The following CFAP69 variants were observed in gnomAD, a reference collection of about 807,000 sequenced individuals.
The protein encoded by CFAP69 is cilia- and flagella-associated protein 69.
Under a neutral mutation model 123.0 loss-of-function variants are expected in CFAP69, and 92 were observed. The ratio of observed to expected loss-of-function variants is 0.75; its 90% CI spans 0.63 to 0.89. CFAP69 has a LOEUF of 0.89. Ranked by LOEUF, CFAP69 falls within the 40% of genes least tolerant of loss-of-function variation. CFAP69 has a pLI of 0.00. For synonymous variants in CFAP69, 380 were observed against 364.3 expected (o/e 1.04, Z -0.49); for missense variants, 1,067 against 1,096.9 (o/e 0.97, Z 0.39).
the CFAP69 span, chr7:90,319,796 A>T: frequency 2.5e-6 from 1 of 398,330 alleles, no homozygotes. Flanking sequence ...AACTTAAAAA[A>T]GTTATTCAAT....
At chr7:90,300,367 A>G (rs1001694499) in intron 17 of CFAP69, 7 of 891,266 alleles carry the variant, frequency 7.9e-6, no homozygotes, top group Non-Finnish European at 9.4e-6. Context: ...GATAGATTCA[A>G]TAATATTTCA....
chr7:90,255,359 G>A, intron 1 of CFAP69, 64 bp from the exon 2 acceptor site: 2 of 1,252,204 alleles, frequency 1.6e-6, no homozygotes, highest in Non-Finnish European at 2.3e-6. Flanking sequence ...ATAAATTAGT[G>A]TGTTAGATAT....
chr7:90,253,020 T>G (rs1021778067), intron 1 of CFAP69, among the ~76,000 whole-genome samples: 3 of 152,168 alleles, frequency 2.0e-5, no homozygotes, highest in Admixed American at 2.0e-4. Context: ...AAACAAAATA[T>G]ATAAAAATAA....
chr7:90,293,028 T>TC (rs1791436893), intron 15 of CFAP69, among the ~76,000 whole-genome samples: 1 of 152,208 alleles, frequency 6.6e-6, no homozygotes, highest in Non-Finnish European at 1.5e-5. Flanking sequence ...TTTAGTTATC[T>TC]CAGTGGCATA....
At chr7:90,278,708 A>G (rs1260667634) in intron 11 of CFAP69, among the ~76,000 whole-genome samples, 3 of 152,132 alleles carry the variant, frequency 2.0e-5, no homozygotes, top group African/African-American at 4.8e-5. Context: ...AACAATTTTT[A>G]TGTGTCACAT....
intron 11 of CFAP69, 46 bp downstream of exon 11, chr7:90,277,380 T>C (rs745738209): frequency 7.2e-7 from 1 of 1,380,212 alleles, no homozygotes; most frequent in Admixed American, 2.7e-5. Context: ...TTGTCTTACT[T>C]TGTAGTATAA....
Position 90,277,314 on chromosome 7 carries a change from A to C in CFAP69, c.1135A>C (p.Lys379Gln). Residue 379 changes from lysine to glutamine, a missense_variant, in exon 11 of 23, where the codon AAA becomes CAA. Transcript: ENST00000389297. ...ATTCAACGTAATTGTGATCTTATGT[A>C]AAGATTTACCTACTGTACAGGTAAA... ...LLFNVIVILC[K>Q]DLPTVQLLID... 5 of 1,575,860 alleles carry C rather than the reference A, an allele frequency of 3.2e-6. No homozygotes were observed. Among genetic ancestry groups the C allele is most frequent in the Admixed American group, 2.0e-5 (1 of 51,240 alleles).
rs1276262587 is a variant in CFAP69 at position 90,245,229 on chromosome 7, T to TG, written c.-190dup. 6 of 606,292 alleles carry TG rather than the reference T, an allele frequency of 9.9e-6. No homozygotes were observed. The highest frequency in any genetic ancestry group is 4.4e-5 in the Admixed American group (1 of 22,768). 37.6% of individuals were successfully genotyped at this position (606,292 alleles called of 1,614,324 possible). On this transcript the variant is annotated 5_prime_UTR_variant, in exon 1 of 23. Transcript: ENST00000389297. ...CCCGGGATCAGAGGTCTGGGTCAAC[T>TG]GGGGGGCGGCAGCGGCGCTAAGCGG...
At chr7:90,315,755 A>G (rs1480345406), downstream of CFAP69, among the ~76,000 whole-genome samples, 1 of 152,228 alleles carries the variant, frequency 6.6e-6, no homozygotes, top group Non-Finnish European at 1.5e-5. Context: ...AACCTAAAAC[A>G]AAAGTTTAAA....
intron 4 of CFAP69, 118 bp downstream of exon 4, chr7:90,262,174 T>G: frequency 3.3e-6 from 2 of 609,948 alleles, no homozygotes; most frequent in Admixed American, 4.0e-5. Flanking sequence ...CTCAGAAAAC[T>G]TCAGTTCATC....
In CFAP69 at chr7:90,288,356, A is replaced by C; in HGVS notation, c.1775+4A>C. 1 of 1,607,582 alleles carries C rather than the reference A, an allele frequency of 6.2e-7. No homozygotes were observed. Among genetic ancestry groups the C allele is most frequent in the Non-Finnish European group, 8.5e-7 (1 of 1,176,102 alleles). On this transcript the variant is annotated splice_donor_region_variant and intron_variant, in intron 15 of 22. Transcript: ENST00000389297. ...TTAGTACATTGGACAGCATTTGGTG[A>C]GTATTGCTATAATCAAATTAGGTAG...
chr7:90,291,406 T>C (rs1791170731), intron 15 of CFAP69, among the ~76,000 whole-genome samples: 1 of 152,178 alleles, frequency 6.6e-6, no homozygotes, highest in African/African-American at 2.4e-5. Flanking sequence ...TGATGAGTTT[T>C]ACCTGGCTTA....
At chr7:90,313,119 G>A (rs1158603587), downstream of CFAP69, among the ~76,000 whole-genome samples, 1 of 152,124 alleles carries the variant, frequency 6.6e-6, no homozygotes, top group Non-Finnish European at 1.5e-5. Context: ...AGTCTTTTGA[G>A]GTCAGATATC....
chr7:90,270,413 ATGT>A (rs570669099), intron 6 of CFAP69, among the ~76,000 whole-genome samples: 195 of 152,308 alleles, frequency 1.3e-3, no homozygotes, highest in African/African-American at 4.3e-3. Flanking sequence ...GTATACTAGT[ATGT>A]TGTTAAAATT....
intron 4 of CFAP69, among the ~76,000 whole-genome samples, chr7:90,264,107 ATATATATATATATATATATATATATATAT>A (rs1798777851): frequency 4.8e-5 from 3 of 62,014 alleles, no homozygotes; most frequent in Non-Finnish European, 8.4e-5. Flanking sequence ...AAAAAAAAAT[ATATATATATATATATATATATATATATAT>A]ATATATATAT....
chr7:90,279,674 C>T lies in CFAP69; in HGVS notation c.1156-3C>T, dbSNP rs200770337. 1 of 1,579,274 alleles carries T rather than the reference C, an allele frequency of 6.3e-7. No homozygotes were observed. ...ACAAAGTATCCTTTGTTCTTTCTCA[C>T]AGCTATTAATTGATGGCAAAGTTAT... is the stretch of plus-strand genomic sequence containing the variant. On this transcript the variant is annotated splice_region_variant and splice_polypyrimidine_tract_variant and intron_variant, in intron 11 of 22. Transcript: ENST00000389297.
chr7:90,246,750 C>T (rs1473981911), intron 1 of CFAP69, among the ~76,000 whole-genome samples: 3 of 151,964 alleles, frequency 2.0e-5, no homozygotes, highest in African/African-American at 7.3e-5. Flanking sequence ...TAACTGATGG[C>T]TCTCAGTCTT....
chr7:90,246,139 C>T (rs1218445188), intron 1 of CFAP69, among the ~76,000 whole-genome samples: 2 of 152,258 alleles, frequency 1.3e-5, no homozygotes, highest in East Asian at 3.9e-4. Context: ...TTTTATTATG[C>T]TTGTACTGTA....
At chr7:90,313,416 C>T (rs1794491336), downstream of CFAP69, among the ~76,000 whole-genome samples, 5 of 152,210 alleles carry the variant, frequency 3.3e-5, no homozygotes, top group Admixed American at 3.3e-4. Flanking sequence ...ATAGCAGACC[C>T]TGACATCCAG....
Sources: gnomAD v4.1 joint callset for allele counts (sites outside exome capture counted in the v4.1 genomes callset) on GRCh38, gnomAD v4.1.1 for gene constraint, MANE v1.5 for transcripts, NCBI Gene and HGNC (gene_info 2026-07-23, HGNC 2026-07-21) for gene names.